Variants in AGBL1 observed in about 807,000 individuals in gnomAD.
AGBL1 encodes the protein AGBL carboxypeptidase 1.
Under a neutral mutation model 118.9 loss-of-function variants are expected in AGBL1, and 130 were observed. The ratio of observed to expected loss-of-function variants is 1.09; its 90% CI spans 0.95 to 1.26. AGBL1 has a LOEUF of 1.26. AGBL1 is among the 50% of genes most tolerant of loss of function. AGBL1 has a pLI of 0.00. For missense variants in AGBL1, 1,584 were observed against 1,298.1 expected (o/e 1.22, Z -3.38); for synonymous variants, 555 against 478.9 (o/e 1.16, Z -2.08).
intron 17 of AGBL1, among the ~76,000 whole-genome samples, chr15:86,300,646 A>G (rs2079730908): frequency 2.0e-5 from 3 of 152,086 alleles, no homozygotes; most frequent in Admixed American, 1.3e-4. Context: ...TAACCTTTCT[A>G]TGTTTCTGGA....
chr15:86,894,545 G>A (rs984735740), intron 22 of AGBL1, among the ~76,000 whole-genome samples: 14 of 152,102 alleles, frequency 9.2e-5, no homozygotes, highest in African/African-American at 1.9e-4. Flanking sequence ...CTTCTGGACC[G>A]CTAGGCTAAC....
intron 1 of AGBL1, among the ~76,000 whole-genome samples, chr15:86,112,292 C>T (rs986917631): frequency 5.9e-5 from 9 of 152,072 alleles, no homozygotes; most frequent in African/African-American, 1.2e-4. Flanking sequence ...AGGCTGATAA[C>T]GATGTATGGG....
chr15:86,456,769 AG>A (rs1374968229), intron 18 of AGBL1, among the ~76,000 whole-genome samples: 2 of 152,226 alleles, frequency 1.3e-5, no homozygotes, highest in African/African-American at 2.4e-5. Flanking sequence ...ATTTTAAGAA[AG>A]GAATTGTGAT....
intron 22 of AGBL1, among the ~76,000 whole-genome samples, chr15:86,896,582 T>C (rs557093848): frequency 1.1e-4 from 17 of 152,330 alleles, no homozygotes; most frequent in African/African-American, 3.8e-4. Flanking sequence ...TTTCTAACTT[T>C]GTTGCGTTGC....
Position 86,911,404 on chromosome 15 carries a change from C to G in AGBL1, c.*4110C>G, listed in dbSNP as rs1039802729. ...CCCTCAAGGGTGGAAACTACTGACC[C>G]CTTCGTAACACTTCCCTCTGGCAAG... is the stretch of plus-strand genomic sequence containing the variant. On this transcript the variant is annotated 3_prime_UTR_variant, in exon 23 of 23. Transcript: ENST00000614907. 4 of 152,254 alleles carry G rather than the reference C, an allele frequency of 2.6e-5. No homozygotes were observed. Among genetic ancestry groups the G allele is most frequent in the African/African-American group, 9.6e-5 (4 of 41,480 alleles). 9.4% of individuals were successfully genotyped at this position (152,254 alleles called of 1,614,324 possible).
chr15:86,574,855 G>T (rs576531291), intron 21 of AGBL1, among the ~76,000 whole-genome samples: 1 of 151,396 alleles, frequency 6.6e-6, no homozygotes, highest in Admixed American at 6.6e-5. Context: ...TGGGATTATA[G>T]ATGTGAGCCA....
At chr15:86,707,406 T>G (rs1363298425) in intron 22 of AGBL1, among the ~76,000 whole-genome samples, 1 of 135,186 alleles carries the variant, frequency 7.4e-6, no homozygotes, top group Admixed American at 7.7e-5. Flanking sequence ...AAGAATATGT[T>G]TTCATGAAAC....
chr15:86,949,038 C>T (rs187557835), intron 23 of AGBL1, among the ~76,000 whole-genome samples: 1 of 151,684 alleles, frequency 6.6e-6, no homozygotes, highest in Non-Finnish European at 1.5e-5. Flanking sequence ...AAATGTCTCC[C>T]GTAATGAAGA....
chr15:86,262,701 C>G (rs756345853), intron 9 of AGBL1, 77 bp from the exon 10 acceptor site: 3 of 958,850 alleles, frequency 3.1e-6, no homozygotes, highest in Non-Finnish European at 4.9e-6. Flanking sequence ...TCTGAAGAAG[C>G]ACATACATAT....
At chr15:86,212,187 T>C (rs1477042202) in intron 5 of AGBL1, among the ~76,000 whole-genome samples, 1 of 152,256 alleles carries the variant, frequency 6.6e-6, no homozygotes, top group Non-Finnish European at 1.5e-5. Context: ...AATTACTGTA[T>C]AGCAGGTGCT....
chr15:86,674,201 T>G lies in AGBL1; in HGVS notation c.2995-72T>G, dbSNP rs568547195. The G allele has an allele frequency of 1.0e-4, 148 of 1,422,514 alleles. No homozygotes were observed. In the African/African-American group the frequency reaches 1.8e-3, roughly 17 times the overall value. 88.1% of individuals were successfully genotyped at this position (1,422,514 alleles called of 1,614,324 possible). A position where few individuals can be genotyped will look rare whatever the true frequency, so the allele number is the denominator to read the frequency against. On this transcript the variant is annotated intron_variant, in intron 21 of 22. Transcript: ENST00000614907. ...AATGCCTGTGTGTAGAAGTCCTTCT[T>G]CCTAATTTCAAAGTGTCACCACTCA...
At chr15:86,824,817 G>T (rs1456754923) in intron 22 of AGBL1, among the ~76,000 whole-genome samples, 1 of 152,084 alleles carries the variant, frequency 6.6e-6, no homozygotes, top group African/African-American at 2.4e-5. Flanking sequence ...CAGCACTTTG[G>T]GAGGCCGAGG....
chr15:86,483,536 C>A (rs1262920961), intron 18 of AGBL1, among the ~76,000 whole-genome samples: 1 of 152,086 alleles, frequency 6.6e-6, no homozygotes, highest in East Asian at 1.9e-4. Context: ...TCTGCAGTTC[C>A]TCTTGACCAA....
intron 22 of AGBL1, among the ~76,000 whole-genome samples, chr15:86,730,496 T>C (rs2077512878): frequency 6.6e-6 from 1 of 152,332 alleles, no homozygotes; most frequent in South Asian, 2.1e-4. Flanking sequence ...CATTTTATTT[T>C]AGGTCCGTGG....
intron 18 of AGBL1, among the ~76,000 whole-genome samples, chr15:86,428,131 T>C (rs899602512): frequency 3.3e-5 from 5 of 152,180 alleles, no homozygotes; most frequent in African/African-American, 9.7e-5. Context: ...GGGTCCTAAA[T>C]AAACTCACTA....
intron 1 of AGBL1, among the ~76,000 whole-genome samples, chr15:86,097,648 A>G (rs1377751312): frequency 6.6e-6 from 1 of 152,054 alleles, no homozygotes; most frequent in African/African-American, 2.4e-5. Flanking sequence ...TGTTGCTGCA[A>G]ATAACATAAT....
intron 18 of AGBL1, among the ~76,000 whole-genome samples, chr15:86,516,793 C>CA (rs3084324): frequency 0.021 from 2,080 of 98,910 alleles, 52 homozygotes; most frequent in African/African-American, 0.06. Flanking sequence ...AACTCCATCT[C>CA]AAAAAAAAAA....
At chr15:86,844,483 T>C (rs1201718643) in intron 22 of AGBL1, among the ~76,000 whole-genome samples, 3 of 152,188 alleles carry the variant, frequency 2.0e-5, no homozygotes, top group African/African-American at 7.2e-5. Flanking sequence ...CATCTTTTCT[T>C]ATGCCTGTTA....
At position 86,189,608 on chromosome 15, in the gene AGBL1, T is replaced by C. The variant is rs186152129; in HGVS notation, c.488+30582T>C. ...TGGTTGTTAAAAAGAGCCTGGCACT[T>C]CCCTCCTCTCTCTCTCTTTCTCTTG... is the stretch of plus-strand genomic sequence containing the variant. On this transcript the variant is annotated intron_variant, in intron 5 of 22. Transcript: ENST00000614907. 5.9e-3 allele frequency among the ~76,000 whole-genome samples: 895 copies of C among 152,164 alleles called. 14 individuals carry two copies. Among genetic ancestry groups the C allele is most frequent in the Middle Eastern group, 6.8e-3 (2 of 294 alleles).
Sources: gnomAD v4.1 joint callset for allele counts (sites outside exome capture counted in the v4.1 genomes callset) on GRCh38, gnomAD v4.1.1 for gene constraint, MANE v1.5 for transcripts, NCBI Gene and HGNC (gene_info 2026-07-23, HGNC 2026-07-21) for gene names.